Variants in SAXO4 observed in about 807,000 individuals in gnomAD.
The protein encoded by SAXO4 is protein phosphatase 1 regulatory subunit 32.
At chr11:61,485,932 C>T in the SAXO4 span, 2 of 1,564,988 alleles carry the variant, frequency 1.3e-6, no homozygotes, top group African/African-American at 1.4e-5. Flanking sequence ...TGGGCTCCTG[C>T]TAGAACTTTA....
At chr11:61,483,594 G>C in the SAXO4 span, among the ~76,000 whole-genome samples, 6 of 152,146 alleles carry the variant, frequency 3.9e-5, no homozygotes, top group African/African-American at 1.4e-4. Context: ...AAGATGATAA[G>C]AGCGGGTGGA....
At chr11:61,482,180 GCTC>G in the SAXO4 span, 14 of 789,012 alleles carry the variant, frequency 1.8e-5, no homozygotes, top group African/African-American at 3.4e-5. Context: ...GGCTTGCAAA[GCTC>G]CTGCCCGTGG....
At chr11:61,489,707 G>A in the SAXO4 span, 11 of 1,505,354 alleles carry the variant, frequency 7.3e-6, no homozygotes, top group South Asian at 3.4e-5. Context: ...TCTGAGGGTC[G>A]ATGGAGAAGG....
the SAXO4 span, chr11:61,487,025 C>T: frequency 1.1e-5 from 18 of 1,614,100 alleles, no homozygotes; most frequent in Middle Eastern, 3.3e-4. Context: ...AACAGACAAA[C>T]GTTGCCCTGC....
the SAXO4 span, among the ~76,000 whole-genome samples, chr11:61,488,310 T>TTC: frequency 6.7e-6 from 1 of 148,458 alleles, no homozygotes; most frequent in East Asian, 2.0e-4. Context: ...CCTTTTTTTT[T>TTC]TTTTTTTTTT....
chr11:61,483,635 A>T, the SAXO4 span, among the ~76,000 whole-genome samples: 1 of 152,094 alleles, frequency 6.6e-6, no homozygotes, highest in Non-Finnish European at 1.5e-5. Flanking sequence ...TAGGAAATAC[A>T]ACAGGGAGAA....
the SAXO4 span, chr11:61,484,941 C>T: frequency 1.3e-5 from 16 of 1,232,654 alleles, no homozygotes; most frequent in South Asian, 1.1e-4. Context: ...GGGCTCAGGG[C>T]GCCAAGAAAG....
At chr11:61,486,732 A>ACCAC in the SAXO4 span, 2 of 1,022,090 alleles carry the variant, frequency 2.0e-6, no homozygotes, top group South Asian at 2.8e-5. Flanking sequence ...ATGTGGAGGT[A>ACCAC]GGCCCTCAGG....
chr11:61,486,977 C>T, the SAXO4 span: 6 of 1,614,106 alleles, frequency 3.7e-6, no homozygotes, highest in East Asian at 2.2e-5. Flanking sequence ...AACCCAGCAG[C>T]GTGAGTCACC....
At chr11:61,486,220 C>T in the SAXO4 span, 1 of 966,206 alleles carries the variant, frequency 1.0e-6, no homozygotes, top group Admixed American at 2.4e-5. Context: ...CTCAGTGATG[C>T]CCATTTGAGC....
the SAXO4 span, chr11:61,487,056 A>G: frequency 8.1e-6 from 13 of 1,612,644 alleles, no homozygotes; most frequent in East Asian, 1.8e-4. Flanking sequence ...GACTGTGGGG[A>G]AAAAGGTGAG....
At chr11:61,484,737 CG>C in the SAXO4 span, 1 of 1,613,586 alleles carries the variant, frequency 6.2e-7, no homozygotes, top group Non-Finnish European at 8.5e-7. Flanking sequence ...CAGGCCATCA[CG>C]GGGCTGGAGC....
chr11:61,486,613 G>A, the SAXO4 span: 1 of 1,613,862 alleles, frequency 6.2e-7, no homozygotes, highest in Non-Finnish European at 8.5e-7. Flanking sequence ...ACCCCAGAGT[G>A]AGTGGCCTTG....
chr11:61,485,679 T>C, the SAXO4 span: 1 of 774,984 alleles, frequency 1.3e-6, no homozygotes, highest in East Asian at 2.5e-5. Flanking sequence ...ACGATCCTCA[T>C]GGCGCAGGTC....
the SAXO4 span, chr11:61,486,961 G>C: frequency 1.2e-6 from 2 of 1,614,026 alleles, no homozygotes; most frequent in Non-Finnish European, 1.7e-6. Context: ...CCCCCTCCCT[G>C]CCCAGAACCC....
the SAXO4 span, chr11:61,490,381 T>G: frequency 1.2e-6 from 1 of 865,346 alleles, no homozygotes; most frequent in African/African-American, 1.7e-5. Context: ...GTTTGTGGCT[T>G]GGCTGCCCTG....
chr11:61,489,543 G>A, the SAXO4 span: 759 of 591,068 alleles, frequency 1.3e-3, 1 homozygote, highest in African/African-American at 0.013. Context: ...CAGGGACAGG[G>A]GCATCACTGA....
the SAXO4 span, chr11:61,482,427 G>T: frequency 2.5e-6 from 4 of 1,613,426 alleles, no homozygotes; most frequent in Non-Finnish European, 3.4e-6. Flanking sequence ...CCCGGCCAGG[G>T]GGTACGGTCT....
At chr11:61,486,758 G>T in the SAXO4 span, 2 of 917,786 alleles carry the variant, frequency 2.2e-6, no homozygotes, top group East Asian at 2.5e-5. Flanking sequence ...GGTGAAGAGA[G>T]CCTGGGCCTT....
Sources: allele counts gnomAD v4.1 joint callset (sites outside exome capture counted in the v4.1 genomes callset), GRCh38; gene constraint gnomAD v4.1.1; transcripts MANE v1.5; gene names NCBI Gene and HGNC (gene_info 2026-07-23, HGNC 2026-07-21).